The following LRIG3 variants were observed in gnomAD, a reference collection of about 807,000 sequenced individuals.
LRIG3 encodes the protein leucine rich repeats and immunoglobulin like domains 3, also known as leucine-rich repeats and immunoglobulin-like domains protein 3.
LRIG3 carries 76 observed loss-of-function variants against 114.5 expected under a neutral mutation model. That is an observed-to-expected ratio of 0.66 (90% CI 0.55 to 0.80). The LOEUF (loss-of-function observed/expected upper bound fraction) is 0.80. Among genes scored for constraint, LRIG3 ranks in the 30% least tolerant of loss-of-function variants. The probability of loss-of-function intolerance (pLI) is 0.00; values close to 1 mark genes in which losing one functional copy is unlikely to be tolerated. For synonymous variants in LRIG3, 512 were observed against 519.8 expected, an observed-to-expected ratio of 0.98 and a Z score of 0.20; for missense variants, 1,239 against 1,382.8, an observed-to-expected ratio of 0.90 and a Z score of 1.65.
At chr12:58,884,594 A>G (rs1325978322) in intron 10 of LRIG3, among the ~76,000 whole-genome samples, 12 of 152,154 alleles carry the variant, frequency 7.9e-5, no homozygotes, top group Non-Finnish European at 2.9e-5. Flanking sequence ...AAATACTGCA[A>G]TGTTGGTCTG....
At position 58,917,952 on chromosome 12, in the gene LRIG3, G is replaced by GT. The variant is rs1872540261; in HGVS notation, c.236+2047dup. The stretch of plus-strand genomic sequence containing the variant: ...CAGAGAAAGTAAAACTCAATTCCAC[G>GT]TGTTTTTCTGCTCCTTTCAAAAGTG... On this transcript the variant is annotated intron_variant, in intron 1 of 18. Coordinates refer to ENST00000320743, the MANE Select transcript of LRIG3 (RefSeq NM_153377.5). Among the ~76,000 whole-genome samples the GT allele has an allele frequency of 2.6e-5, 4 of 152,122 alleles. 1 individual carries two copies. The highest frequency in any genetic ancestry group is 2.6e-4 in the Admixed American group (4 of 15,276).
In LRIG3 at chr12:58,888,966, C is replaced by T. The variant is rs757570348; in HGVS notation, c.660-4G>A. 1 of 1,611,922 alleles carries T rather than the reference C, an allele frequency of 6.2e-7. No homozygotes were observed. The highest frequency in any genetic ancestry group is 1.1e-5 in the South Asian group (1 of 90,694). ...AATCTTGTTTCGGTTCAATTCGCTG[C>T]ATTGAGTATTACAAGAGTTAGCTTA... is the stretch of plus-strand genomic sequence containing the variant. On this transcript the variant is annotated splice_polypyrimidine_tract_variant and splice_region_variant and intron_variant, in intron 5 of 18. Transcript: ENST00000320743.
intron 1 of LRIG3, among the ~76,000 whole-genome samples, chr12:58,915,322 A>AT (rs1170905119): frequency 6.6e-6 from 1 of 152,194 alleles, no homozygotes; most frequent in African/African-American, 2.4e-5. Flanking sequence ...ACCCATACTA[A>AT]TTTTTTTGGT....
At chr12:58,901,518 C>T (rs1361272109) in intron 3 of LRIG3, among the ~76,000 whole-genome samples, 12 of 152,148 alleles carry the variant, frequency 7.9e-5, no homozygotes, top group Admixed American at 7.9e-4. Context: ...ACACTAGCCA[C>T]ATTTTAAGTG....
In LRIG3 at chr12:58,916,775, T is replaced by G. The variant is rs189688528; in HGVS notation, c.237-2439A>C. 3.7e-3 allele frequency among the ~76,000 whole-genome samples: 569 copies of G among 152,180 alleles called. 2 individuals carry two copies. The highest frequency in any genetic ancestry group is 6.8e-3 in the Middle Eastern group (2 of 294). On this transcript the variant is annotated intron_variant, in intron 1 of 18. Transcript: ENST00000320743. The stretch of plus-strand genomic sequence containing the variant: ...ACACTTGAAAGTCAAACTCTTTCTA[T>G]ATGGTTAGACAGACTTCTCTCTTCC...
In LRIG3 at chr12:58,877,390, G is replaced by A. The variant is rs371345067; in HGVS notation, c.2536+10C>T. ...CTCCGGTGACCTGTGCCAAGCTTCT[G>A]TTTACACACCTGTGTTGGTAATGCT... On this transcript the variant is annotated intron_variant, in intron 15 of 18. Transcript: ENST00000320743. 2.9e-5 allele frequency: 47 copies of A among 1,611,220 alleles called. No homozygotes were observed. Among genetic ancestry groups the A allele is most frequent in the Middle Eastern group, 1.6e-4 (1 of 6,070 alleles).
intron 13 of LRIG3, 52 bp from the exon 14 acceptor site, chr12:58,879,157 C>A: frequency 6.6e-7 from 1 of 1,512,224 alleles, no homozygotes; most frequent in South Asian, 1.3e-5. Context: ...CTTACAGGTT[C>A]ACTTGCATTC....
At chr12:58,885,978 T>G (rs2120901108) in intron 9 of LRIG3, 76 bp from the exon 10 acceptor site, 2 of 842,162 alleles carry the variant, frequency 2.4e-6, no homozygotes, top group Non-Finnish European at 3.7e-6. Context: ...ACAGAACTGC[T>G]TTTTAAATTA....
chr12:58,907,373 C>T (rs185816250), intron 3 of LRIG3, among the ~76,000 whole-genome samples: 49 of 152,278 alleles, frequency 3.2e-4, no homozygotes, highest in Middle Eastern at 3.4e-3. Flanking sequence ...TTATTAGGAA[C>T]CATGAAGAGA....
intron 3 of LRIG3, among the ~76,000 whole-genome samples, chr12:58,895,825 T>G (rs1300910531): frequency 6.6e-6 from 1 of 152,168 alleles, no homozygotes; most frequent in Non-Finnish European, 1.5e-5. Flanking sequence ...CGAGCGACCT[T>G]GATGCCCACT....
In LRIG3 at chr12:58,876,810, T is replaced by C. The variant is rs372600482; in HGVS notation, c.2537-207A>G. 1.6e-4 allele frequency among the ~76,000 whole-genome samples: 24 copies of C among 152,310 alleles called. No individual in the cohort carries two copies. The East Asian group carries it at 3.3e-3, about 21-fold the overall frequency. ...TGGGACGTATAAGCTGACTTTCTGTTTTATCACCCATTGGATGCACCTCCC... is the reference window on the plus strand; with the variant it reads ...TGGGACGTATAAGCTGACTTTCTGTCTTATCACCCATTGGATGCACCTCCC... On this transcript the variant is annotated intron_variant, in intron 15 of 18. Transcript: ENST00000320743.
At chr12:58,893,191 C>CA in intron 3 of LRIG3, among the ~76,000 whole-genome samples, 1 of 152,210 alleles carries the variant, frequency 6.6e-6, no homozygotes, top group Non-Finnish European at 1.5e-5. Flanking sequence ...AATAAGGGGA[C>CA]AAAACGGGCA....
In LRIG3 at chr12:58,890,022, C is replaced by T; in HGVS notation, c.633G>A (p.Met211Ile). The stretch of plus-strand genomic sequence containing the variant: ...GATGTTGCAGTTGGGGCAGTTTAAA[C>T]ATCTTGGGTGGGATAGCTGAGATTC... ...RNRISAIPPK[M>I]FKLPQLQHLE... The change falls in exon 5 of 19, where the codon ATG becomes ATA. Residue 211 changes from methionine (M) to isoleucine (I), a missense_variant. By Grantham distance (10) the Met-to-Ile change is conservative (BLOSUM62 1). Coordinates refer to ENST00000320743, the MANE Select transcript of LRIG3 (RefSeq NM_153377.5). The T allele has an allele frequency of 1.2e-6, 2 of 1,613,708 alleles. No individual in the cohort carries two copies. Among genetic ancestry groups the T allele is most frequent in the Non-Finnish European group, 1.7e-6 (2 of 1,179,752 alleles).
At chr12:58,903,201 T>C (rs1193183296) in intron 3 of LRIG3, among the ~76,000 whole-genome samples, 4 of 152,302 alleles carry the variant, frequency 2.6e-5, no homozygotes, top group African/African-American at 9.6e-5. Flanking sequence ...TGTAAAAGTG[T>C]TCCTATTTCT....
chr12:58,903,183 ACC>A (rs1275691563), intron 3 of LRIG3, among the ~76,000 whole-genome samples: 2 of 152,178 alleles, frequency 1.3e-5, no homozygotes, highest in African/African-American at 4.8e-5. Context: ...TTACAGTCCC[ACC>A]AACAGTGTAA....
At chr12:58,901,845 T>C (rs947595887) in intron 3 of LRIG3, among the ~76,000 whole-genome samples, 1 of 152,206 alleles carries the variant, frequency 6.6e-6, no homozygotes, top group African/African-American at 2.4e-5. Context: ...GAAAGGCTGC[T>C]CACCAAGAAT....
Position 58,880,659 on chromosome 12 carries a change from T to C in LRIG3, c.1723A>G (p.Ser575Gly). The stretch of plus-strand genomic sequence containing the variant: ...ATGACACACTGATATTTCCCCTCAC[T>C]GGCAAATTCCACCTCGCGCAGCCGA... ...ILRLREVEFA[S>G]EGKYQCVISN... Residue 575 changes from serine to glycine, a missense_variant, in exon 13 of 19, where the codon AGT becomes GGT. By Grantham distance (56) the Ser-to-Gly change is moderately conservative. Transcript: ENST00000320743. 2 of 1,614,244 alleles carry C rather than the reference T, an allele frequency of 1.2e-6. No homozygotes were observed. Among genetic ancestry groups the C allele is most frequent in the Non-Finnish European group, 1.7e-6 (2 of 1,180,042 alleles).
At chr12:58,876,021 C>T (rs1870904127) in intron 16 of LRIG3, among the ~76,000 whole-genome samples, 1 of 152,232 alleles carries the variant, frequency 6.6e-6, no homozygotes, top group African/African-American at 2.4e-5. Context: ...CACTGCACTC[C>T]AGCCTGGGTG....
In LRIG3 at chr12:58,886,879, T is replaced by C; in HGVS notation, c.1103A>G (p.Asn368Ser). Residue 368 changes from asparagine (N) to serine (S), a missense_variant, in exon 9 of 19, where the codon AAC (asparagine) becomes AGC (serine). By Grantham distance (46) the Asn-to-Ser change is conservative. Transcript: ENST00000320743. Reference protein sequence around the residue: ...LSSLKTLDLKNNEISWTIEDM... With the variant: ...LSSLKTLDLKSNEISWTIEDM... ...TTCAATAGTCCAGGAAATTTCATTGTTCTTCAGATCCCTAATTTTAAAAGA... is the reference window on the plus strand; with the variant it reads ...TTCAATAGTCCAGGAAATTTCATTGCTCTTCAGATCCCTAATTTTAAAAGA... 1 of 1,613,238 alleles carries C rather than the reference T, an allele frequency of 6.2e-7. No homozygotes were observed. The highest frequency in any genetic ancestry group is 8.5e-7 in the Non-Finnish European group (1 of 1,179,384).
Sources: gnomAD v4.1 joint callset for allele counts (sites outside exome capture counted in the v4.1 genomes callset) on GRCh38, gnomAD v4.1.1 for gene constraint, MANE v1.5 for transcripts, NCBI Gene and HGNC (gene_info 2026-07-23, HGNC 2026-07-21) for gene names.